FUBP1: variants seen among roughly 807,000 people sequenced by gnomAD.
FUBP1 encodes the protein far upstream element binding protein 1, also known as far upstream element-binding protein 1.
A neutral mutation model predicts 94.9 loss-of-function variants in FUBP1; 16 were observed. The observed-to-expected ratio is 0.17, with a 90% CI of 0.11 to 0.26. FUBP1 has a LOEUF of 0.26. Ranked by LOEUF, FUBP1 falls within the 10% of genes least tolerant of loss-of-function variation. The pLI is 1.00. For synonymous variants in FUBP1, 279 were observed against 254.9 expected, an observed-to-expected ratio of 1.09 and a Z score of -0.90; for missense variants, 583 against 808.6, an observed-to-expected ratio of 0.72 and a Z score of 3.38.
chr1:77,949,045 A>G, intron 19 of FUBP1, 110 bp downstream of exon 19: 1 of 1,077,268 alleles, frequency 9.3e-7, no homozygotes, highest in Non-Finnish European at 1.4e-6. Flanking sequence ...AATAGTTATT[A>G]TACTTTGCCA....
At chr1:77,956,039 G>C (rs959504669) in intron 17 of FUBP1, among the ~76,000 whole-genome samples, 1 of 151,952 alleles carries the variant, frequency 6.6e-6, no homozygotes, top group Non-Finnish European at 1.5e-5. Flanking sequence ...GCCAAATCCA[G>C]GATAATCTGA....
chr1:77,964,380 T>C lies in FUBP1; in HGVS notation c.838-24A>G, dbSNP rs528603471. 8 of 1,384,470 alleles carry C rather than the reference T, an allele frequency of 5.8e-6. No individual in the cohort carries two copies. The South Asian group carries it at 9.4e-5, about 16-fold the overall frequency. 85.8% of individuals were successfully genotyped at this position (1,384,470 alleles called of 1,614,324 possible). On this transcript the variant is annotated intron_variant, in intron 10 of 19. Transcript: ENST00000370768. Reference sequence around the variant, plus strand: ...ACCTTATGTAAAAAAGACTAAGTATTAAGAAAGCTAGCTTCTCAGGGTTTA... The same window carrying C: ...ACCTTATGTAAAAAAGACTAAGTATCAAGAAAGCTAGCTTCTCAGGGTTTA...
intron 18 of FUBP1, among the ~76,000 whole-genome samples, chr1:77,953,952 G>C (rs1571241760): frequency 1.3e-5 from 2 of 152,192 alleles, no homozygotes; most frequent in African/African-American, 4.8e-5. Flanking sequence ...ACCCTATCTA[G>C]GGGACATTAC....
intron 12 of FUBP1, 134 bp downstream of exon 12, chr1:77,963,928 T>C: frequency 1.4e-6 from 1 of 701,990 alleles, no homozygotes; most frequent in East Asian, 2.6e-5. Flanking sequence ...GATCTTTACC[T>C]TAAAGCAATT....
chr1:77,969,595 A>C (rs949103175), intron 2 of FUBP1, among the ~76,000 whole-genome samples: 1 of 152,140 alleles, frequency 6.6e-6, no homozygotes, highest in African/African-American at 2.4e-5. Flanking sequence ...AAACCAGTGA[A>C]GTGTCTTCTA....
At chr1:77,953,120 CTCCG>C (rs1653814494) in intron 18 of FUBP1, among the ~76,000 whole-genome samples, 3 of 151,794 alleles carry the variant, frequency 2.0e-5, no homozygotes, top group Non-Finnish European at 4.4e-5. Flanking sequence ...AAGACCAAGA[CTCCG>C]TCTTAAAAAA....
Position 77,949,254 on chromosome 1 carries a change from T to C in FUBP1, c.1827A>G (p.Pro609=). The change falls in exon 19 of 20, where the codon CCA becomes CCG. Residue 609 remains proline (P), a synonymous_variant. Transcript: ENST00000370768. ...APTGAPPGGQ[P]DYSAAWAEYY... is the part of the protein sequence containing the mutation. ...ACTCAGCCCAGGCTGCACTATAATC[T>C]GGCTGACCACCTGGAGGAGCCCCAG... 1.2e-6 allele frequency: 2 copies of C among 1,613,762 alleles called. No individual in the cohort carries two copies. The highest frequency in any genetic ancestry group is 1.7e-6 in the Non-Finnish European group (2 of 1,179,666).
At chr1:77,976,947 C>T (rs920645881) in intron 1 of FUBP1, among the ~76,000 whole-genome samples, 2 of 152,216 alleles carry the variant, frequency 1.3e-5, no homozygotes, top group Non-Finnish European at 2.9e-5. Flanking sequence ...CCCCACACCT[C>T]TGCGCATGCT....
rs536397727 is a variant in FUBP1, at chr1:77,947,061, T to C, written c.*1705A>G. 2 of 208,188 alleles carry C rather than the reference T, an allele frequency of 9.6e-6. No homozygotes were observed. The highest frequency in any genetic ancestry group is 2.0e-5 in the Non-Finnish European group (2 of 102,126). 12.9% of individuals were successfully genotyped at this position (208,188 alleles called of 1,614,324 possible). On this transcript the variant is annotated 3_prime_UTR_variant, in exon 20 of 20. Transcript: ENST00000370768. ...TATATATTTATGAAATGTGTTAAAA[T>C]TGCTACATTGCTCATTATTTGCAAA...
chr1:77,969,971 T>G lies in FUBP1; in HGVS notation c.165A>C (p.Ser55=), dbSNP rs746819414. ...TTTGTCCCCCATAACCATAGTCATT[T>G]GAATTCAGTGATGTCCCTGCATCAC... The part of the protein sequence containing the change: ...IGGDAGTSLN[S]NDYGYGGQKR... The change falls in exon 2 of 20, where the codon TCA becomes TCC. Residue 55 remains serine, a synonymous_variant. Transcript: ENST00000370768. 6.3e-7 allele frequency: 1 copy of G among 1,596,048 alleles called. No homozygotes were observed. The highest frequency in any genetic ancestry group is 8.6e-7 in the Non-Finnish European group (1 of 1,167,286).
chr1:77,955,063 A>T (rs1571248289), intron 18 of FUBP1, among the ~76,000 whole-genome samples, 192 bp downstream of exon 18: 1 of 152,204 alleles, frequency 6.6e-6, no homozygotes, highest in East Asian at 1.9e-4. Flanking sequence ...GTTTCAATTA[A>T]TAACTGGTTG....
Position 77,967,544 on chromosome 1 carries a change from C to T in FUBP1, c.290+83G>A, listed in dbSNP as rs960355297. The T allele has an allele frequency of 2.6e-5, 25 of 958,016 alleles. No individual in the cohort carries two copies. The Admixed American group carries it at 4.2e-4, about 16-fold the overall frequency. 59.3% of individuals were successfully genotyped at this position (958,016 alleles called of 1,614,324 possible). On this transcript the variant is annotated intron_variant, in intron 4 of 19. Transcript: ENST00000370768. ...ACCAAAAAATACACAGACACATATTCAATATACACCAATGTGGTTGTGTTT... is the reference window on the plus strand; with the variant it reads ...ACCAAAAAATACACAGACACATATTTAATATACACCAATGTGGTTGTGTTT...
At chr1:77,956,749 T>TCA in intron 16 of FUBP1, 49 bp from the exon 17 acceptor site, 2 of 1,484,968 alleles carry the variant, frequency 1.3e-6, no homozygotes, top group Non-Finnish European at 1.9e-6. Flanking sequence ...TGTAATTCTC[T>TCA]CTCACACACA....
In FUBP1 at chr1:77,969,985, T is replaced by A. The variant is rs759014306; in HGVS notation, c.151A>T (p.Thr51Ser). Reference protein sequence around the residue: ...IAAKIGGDAGTSLNSNDYGYG... With the variant: ...IAAKIGGDAGSSLNSNDYGYG... ...CCATAGTCATTTGAATTCAGTGATG[T>A]CCCTGCATCACCTCCAATTTTTGCT... The change falls in exon 2 of 20, where the codon ACA (threonine) becomes TCA (serine). Residue 51 changes from threonine to serine, a missense_variant. Thr to Ser is a moderately conservative substitution (Grantham distance 58). Transcript: ENST00000370768. 1 of 1,588,634 alleles carries A rather than the reference T, an allele frequency of 6.3e-7. No individual in the cohort carries two copies. The highest frequency in any genetic ancestry group is 1.7e-5 in the Admixed American group (1 of 57,840).
chr1:77,949,077 C>G, intron 19 of FUBP1, 78 bp downstream of exon 19: 1 of 1,327,350 alleles, frequency 7.5e-7, no homozygotes, highest in Non-Finnish European at 1.1e-6. Context: ...AAAAGGCAAA[C>G]ACTCCCAAAC....
intron 16 of FUBP1, among the ~76,000 whole-genome samples, chr1:77,958,027 A>G (rs1654790732): frequency 1.3e-5 from 2 of 152,052 alleles, no homozygotes; most frequent in South Asian, 4.1e-4. Flanking sequence ...CCTGACCTCA[A>G]GTGATCCGCC....
In FUBP1 at chr1:77,946,360, T is replaced by C. The variant is rs1441185144; in HGVS notation, c.*2406A>G. 5.2e-6 allele frequency: 1 copy of C among 193,604 alleles called. No homozygotes were observed. The highest frequency in any genetic ancestry group is 2.3e-5 in the African/African-American group (1 of 42,992). 12.0% of individuals were successfully genotyped at this position (193,604 alleles called of 1,614,324 possible). On this transcript the variant is annotated 3_prime_UTR_variant, in exon 20 of 20. Coordinates refer to ENST00000370768, the MANE Select transcript of FUBP1 (RefSeq NM_003902.5). ...AAACATTACCCAGAAATGTAAACAG[T>C]TGCTTTAACAACTTACAGACTTTCC...
chr1:77,968,157 A>G lies in FUBP1; in HGVS notation c.250+8T>C. 6.7e-7 allele frequency: 1 copy of G among 1,499,096 alleles called. No individual in the cohort carries two copies. Among genetic ancestry groups the G allele is most frequent in the Non-Finnish European group, 9.0e-7 (1 of 1,115,884 alleles). 92.9% of individuals were successfully genotyped at this position (1,499,096 alleles called of 1,614,324 possible). ...TAGCTTTTGACCCAGTTTAAAAGGA[A>G]TACTTACAGTCATTTTGAGGAGCAA... is the stretch of plus-strand genomic sequence containing the variant. On this transcript the variant is annotated splice_region_variant and intron_variant, in intron 3 of 19. Coordinates refer to ENST00000370768, the MANE Select transcript of FUBP1 (RefSeq NM_003902.5).
At chr1:77,957,413 T>C (rs987874402) in intron 16 of FUBP1, among the ~76,000 whole-genome samples, 33 of 152,186 alleles carry the variant, frequency 2.2e-4, no homozygotes, top group African/African-American at 7.5e-4. Flanking sequence ...GTGCTTGTAC[T>C]TTTCAGAAAT....
Sources: allele counts gnomAD v4.1 joint callset (sites outside exome capture counted in the v4.1 genomes callset), GRCh38; gene constraint gnomAD v4.1.1; transcripts MANE v1.5; gene names NCBI Gene and HGNC (gene_info 2026-07-23, HGNC 2026-07-21).